RNF13: variants seen among roughly 807,000 people sequenced by gnomAD.
The protein encoded by RNF13 is ring finger protein 13.
In RNF13, 19 loss-of-function variants were observed where a neutral mutation model predicts 37.7. The ratio of observed to expected loss-of-function variants is 0.50; its 90% CI spans 0.35 to 0.74. RNF13 has a LOEUF of 0.74. Among genes scored for constraint, RNF13 ranks in the 30% least tolerant of loss-of-function variants. The pLI is 0.01. For synonymous variants in RNF13, 144 were observed against 157.8 expected, an observed-to-expected ratio of 0.91 and a Z score of 0.65; for missense variants, 375 against 453.0, an observed-to-expected ratio of 0.83 and a Z score of 1.56.
At chr3:149,888,407 C>T (rs1714289912) in intron 4 of RNF13, among the ~76,000 whole-genome samples, 1 of 151,962 alleles carries the variant, frequency 6.6e-6, no homozygotes, top group Admixed American at 6.6e-5. Flanking sequence ...TATCTTTTGC[C>T]CATTATCTGA....
At chr3:149,917,662 A>T (rs1474673849) in intron 7 of RNF13, among the ~76,000 whole-genome samples, 1 of 152,098 alleles carries the variant, frequency 6.6e-6, no homozygotes, top group Non-Finnish European at 1.5e-5. Flanking sequence ...ATTTTTTTCT[A>T]TTGATTTCTA....
At chr3:149,875,534 A>G (rs1447923228) in intron 4 of RNF13, among the ~76,000 whole-genome samples, 2 of 152,200 alleles carry the variant, frequency 1.3e-5, no homozygotes, top group African/African-American at 2.4e-5. Flanking sequence ...TTGTGACTCA[A>G]AGATAGCCAC....
chr3:149,920,968 T>C (rs1445096090), intron 7 of RNF13, among the ~76,000 whole-genome samples, 166 bp from the exon 8 acceptor site: 1 of 152,170 alleles, frequency 6.6e-6, no homozygotes, highest in African/African-American at 2.4e-5. Flanking sequence ...TAATCACTAA[T>C]GTAATTTAAT....
intron 8 of RNF13, among the ~76,000 whole-genome samples, chr3:149,947,832 A>C (rs1720921841): frequency 6.6e-6 from 1 of 152,010 alleles, no homozygotes; most frequent in Non-Finnish European, 1.5e-5. Flanking sequence ...TTTTTCTCTT[A>C]TGATAGTTTT....
chr3:149,912,745 G>T (rs886945995), intron 7 of RNF13, among the ~76,000 whole-genome samples: 5 of 152,016 alleles, frequency 3.3e-5, no homozygotes, highest in East Asian at 1.9e-4. Flanking sequence ...GGTTAAGGGG[G>T]AATGACATAT....
chr3:149,887,273 TG>T (rs1335416787), intron 4 of RNF13, among the ~76,000 whole-genome samples: 1 of 152,158 alleles, frequency 6.6e-6, no homozygotes, highest in Non-Finnish European at 1.5e-5. Flanking sequence ...ATTTCAATAA[TG>T]AATAGAACAG....
At chr3:149,931,455 A>G (rs1441578301) in intron 8 of RNF13, among the ~76,000 whole-genome samples, 1 of 152,106 alleles carries the variant, frequency 6.6e-6, no homozygotes, top group South Asian at 2.1e-4. Flanking sequence ...CTAGTTTCCT[A>G]AAGGTAAAGC....
intron 3 of RNF13, among the ~76,000 whole-genome samples, chr3:149,860,268 AAAAT>A (rs1365339130): frequency 5.7e-4 from 52 of 91,666 alleles, no homozygotes; most frequent in African/African-American, 1.7e-3. Flanking sequence ...AAAAAAAAAA[AAAAT>A]ATATATATAT....
At chr3:149,896,079 C>T (rs904747526) in intron 5 of RNF13, among the ~76,000 whole-genome samples, 11 of 152,070 alleles carry the variant, frequency 7.2e-5, no homozygotes, top group African/African-American at 2.4e-4. Flanking sequence ...TAGGGAAAAA[C>T]GAGCCAATTT....
intron 2 of RNF13, among the ~76,000 whole-genome samples, chr3:149,849,978 T>A (rs959026011): frequency 6.6e-6 from 1 of 151,900 alleles, no homozygotes; most frequent in East Asian, 1.9e-4. Context: ...ATTTTCTACT[T>A]CAGATTTTTT....
chr3:149,863,882 G>A (rs1041082244), intron 3 of RNF13, among the ~76,000 whole-genome samples: 1 of 151,956 alleles, frequency 6.6e-6, no homozygotes, highest in Non-Finnish European at 1.5e-5. Context: ...TCTTTACTGG[G>A]TTGTACTGAT....
chr3:149,914,570 A>G (rs1410312517), intron 7 of RNF13, among the ~76,000 whole-genome samples: 2 of 152,182 alleles, frequency 1.3e-5, no homozygotes, highest in Non-Finnish European at 2.9e-5. Flanking sequence ...TATACAGATA[A>G]AGAATATAGA....
chr3:149,815,850 A>G (rs961767511), intron 1 of RNF13, among the ~76,000 whole-genome samples: 1 of 152,140 alleles, frequency 6.6e-6, no homozygotes, highest in Non-Finnish European at 1.5e-5. Context: ...TAAGTGCTTT[A>G]TAATATCTCA....
chr3:149,899,198 C>A (rs1328919129), intron 5 of RNF13, among the ~76,000 whole-genome samples: 1 of 152,174 alleles, frequency 6.6e-6, no homozygotes, highest in Non-Finnish European at 1.5e-5. Flanking sequence ...GTAATCCTAG[C>A]ACTTTGGGAG....
chr3:149,858,255 A>G (rs1194977790), intron 3 of RNF13, among the ~76,000 whole-genome samples: 1 of 152,222 alleles, frequency 6.6e-6, no homozygotes, highest in African/African-American at 2.4e-5. Context: ...TGTTATAGAA[A>G]CACAAAATAG....
At chr3:149,904,594 A>G (rs1313875241) in intron 6 of RNF13, among the ~76,000 whole-genome samples, 1 of 152,074 alleles carries the variant, frequency 6.6e-6, no homozygotes, top group Non-Finnish European at 1.5e-5. Context: ...ACACAGGTTT[A>G]TTTGATTCAT....
At chr3:149,882,245 A>G (rs1713503460) in intron 4 of RNF13, among the ~76,000 whole-genome samples, 1 of 131,362 alleles carries the variant, frequency 7.6e-6, no homozygotes, top group South Asian at 2.7e-4. Context: ...TTTATCCAAA[A>G]TGACTAAAGT....
chr3:149,835,295 T>A (rs1313188528), intron 1 of RNF13, among the ~76,000 whole-genome samples: 4 of 152,326 alleles, frequency 2.6e-5, no homozygotes, highest in South Asian at 2.1e-4. Flanking sequence ...ATAGAGAATT[T>A]AAAAAATTTT....
intron 8 of RNF13, among the ~76,000 whole-genome samples, chr3:149,922,821 C>G (rs1386765105): frequency 6.6e-6 from 1 of 152,106 alleles, no homozygotes; most frequent in Non-Finnish European, 1.5e-5. Context: ...GACTATAATA[C>G]CATAGCCAAT....
Sources: gnomAD v4.1 joint callset for allele counts (sites outside exome capture counted in the v4.1 genomes callset) on GRCh38, gnomAD v4.1.1 for gene constraint, MANE v1.5 for transcripts, NCBI Gene and HGNC (gene_info 2026-07-23, HGNC 2026-07-21) for gene names.